Variants in ASAP1 observed in about 807,000 individuals in gnomAD.
ASAP1 encodes ArfGAP with SH3 domain, ankyrin repeat and PH domain 1.
In ASAP1, 43 loss-of-function variants were observed where a neutral mutation model predicts 145.2. That is an observed-to-expected ratio of 0.30 (90% CI 0.23 to 0.38). The LOEUF (loss-of-function observed/expected upper bound fraction) is 0.38. Ranked by LOEUF, ASAP1 falls within the 10% of genes least tolerant of loss-of-function variation. ASAP1 has a pLI of 1.00. For missense variants in ASAP1, 1,018 were observed against 1,355.3 expected, an observed-to-expected ratio of 0.75 and a Z score of 3.91; for synonymous variants, 546 against 515.5, an observed-to-expected ratio of 1.06 and a Z score of -0.80.
At chr8:130,061,188 G>T in intron 27 of ASAP1, 119 bp from the exon 28 acceptor site, 5 of 1,266,282 alleles carry the variant, frequency 3.9e-6, no homozygotes, top group Non-Finnish European at 5.2e-6. Flanking sequence ...ACTTGAAATG[G>T]ATGAACTCAG....
At chr8:130,379,603 T>G (rs76404401) in intron 2 of ASAP1, among the ~76,000 whole-genome samples, 2,627 of 152,278 alleles carry the variant, frequency 0.017, 40 homozygotes, top group East Asian at 0.053. Context: ...GTTGAACATG[T>G]AGTTCGGGTA....
chr8:130,397,842 C>T (rs1828605003), intron 2 of ASAP1, among the ~76,000 whole-genome samples: 2 of 152,256 alleles, frequency 1.3e-5, no homozygotes, highest in Admixed American at 1.3e-4. Flanking sequence ...AACCTGGTGG[C>T]TGGTAATCTG....
chr8:130,277,177 G>A (rs931276788), intron 3 of ASAP1, among the ~76,000 whole-genome samples: 4 of 152,126 alleles, frequency 2.6e-5, no homozygotes, highest in Admixed American at 2.6e-4. Flanking sequence ...CACAGGCCAC[G>A]GTAACCTGAG....
intron 25 of ASAP1, 47 bp downstream of exon 25, chr8:130,091,926 C>T (rs150059594): frequency 5.9e-5 from 87 of 1,476,302 alleles, no homozygotes; most frequent in East Asian, 3.6e-4. Flanking sequence ...GAGCCCCACA[C>T]GCTGCCTGGC....
intron 3 of ASAP1, among the ~76,000 whole-genome samples, chr8:130,310,623 A>G (rs899313622): frequency 1.3e-5 from 2 of 152,196 alleles, no homozygotes; most frequent in African/African-American, 4.8e-5. Flanking sequence ...CATATCAGCA[A>G]TCTAGTTAAA....
chr8:130,372,090 T>C (rs1827240048), intron 2 of ASAP1, among the ~76,000 whole-genome samples: 1 of 152,206 alleles, frequency 6.6e-6, no homozygotes, highest in South Asian at 2.1e-4. Context: ...TTTGTGGCAT[T>C]ATAGAATCAC....
In ASAP1 at chr8:130,085,783, C is replaced by T. The variant is rs553696073; in HGVS notation, c.2573-5812G>A. Among the ~76,000 whole-genome samples, 10 of 147,988 alleles carry T rather than the reference C, an allele frequency of 6.8e-5. No homozygotes were observed. The South Asian group carries it at 1.5e-3, about 23-fold the overall frequency. ...AAAGAGGTTCAATGAAATGCAACTT[C>T]AAAAATCATAAATTCCCTACAAAAC... is the stretch of plus-strand genomic sequence containing the variant. On this transcript the variant is annotated intron_variant, in intron 25 of 29. Transcript: ENST00000518721.
chr8:130,150,269 CAT>C (rs1388619085), intron 13 of ASAP1, among the ~76,000 whole-genome samples: 3 of 152,136 alleles, frequency 2.0e-5, no homozygotes, highest in Non-Finnish European at 4.4e-5. Flanking sequence ...CTTAAGAATG[CAT>C]ATAAACAGTT....
intron 3 of ASAP1, among the ~76,000 whole-genome samples, chr8:130,257,045 A>G (rs376302759): frequency 6.6e-6 from 1 of 151,862 alleles, no homozygotes; most frequent in East Asian, 1.9e-4. Context: ...CCTTCTTATA[A>G]CCCATAATTT....
At chr8:130,143,907 C>T (rs1247815582) in intron 13 of ASAP1, among the ~76,000 whole-genome samples, 2 of 152,216 alleles carry the variant, frequency 1.3e-5, no homozygotes, top group Non-Finnish European at 1.5e-5. Context: ...TTCCTCCCAT[C>T]ATCTTACTGA....
At chr8:130,249,792 A>G (rs1819080395) in intron 3 of ASAP1, among the ~76,000 whole-genome samples, 1 of 152,072 alleles carries the variant, frequency 6.6e-6, no homozygotes, top group East Asian at 1.9e-4. Context: ...AGGGTGTAGG[A>G]GAAGATCTAG....
chr8:130,267,241 T>C (rs2137037398), intron 3 of ASAP1, among the ~76,000 whole-genome samples: 1 of 152,226 alleles, frequency 6.6e-6, no homozygotes, highest in South Asian at 2.1e-4. Flanking sequence ...AGCCTACAGT[T>C]AACCCTAGCG....
chr8:130,188,337 A>C (rs1416771436), intron 5 of ASAP1, among the ~76,000 whole-genome samples, 154 bp from the exon 6 acceptor site: 1 of 152,238 alleles, frequency 6.6e-6, no homozygotes, highest in African/African-American at 2.4e-5. Context: ...ACACCTCTGT[A>C]GGTTAGGCGA....
intron 3 of ASAP1, among the ~76,000 whole-genome samples, chr8:130,278,995 G>C (rs1372002397): frequency 2.0e-5 from 3 of 152,196 alleles, no homozygotes; most frequent in Non-Finnish European, 4.4e-5. Context: ...CCATTTCACA[G>C]ATGAGGAAGC....
chr8:130,072,830 C>CGCGCGCGCGCGCGCGCGG (rs1448184178), intron 27 of ASAP1, among the ~76,000 whole-genome samples: 15 of 31,914 alleles, frequency 4.7e-4, no homozygotes, highest in Admixed American at 4.2e-3. Flanking sequence ...TGTGTGCGCG[C>CGCGCGCGCGCGCGCGCGG]GGGGGGGGGC....
intron 11 of ASAP1, among the ~76,000 whole-genome samples, chr8:130,161,486 G>A (rs1431171976): frequency 6.6e-6 from 1 of 152,142 alleles, no homozygotes; most frequent in African/African-American, 2.4e-5. Flanking sequence ...CAGGTATTAA[G>A]GACCCTGAGT....
chr8:130,277,666 T>C (rs983933459), intron 3 of ASAP1, among the ~76,000 whole-genome samples: 19 of 152,190 alleles, frequency 1.2e-4, no homozygotes, highest in South Asian at 2.1e-4. Context: ...AGTACAGATA[T>C]AGAAATGGCT....
At chr8:130,157,578 T>A (rs1208764144) in intron 12 of ASAP1, among the ~76,000 whole-genome samples, 2 of 152,144 alleles carry the variant, frequency 1.3e-5, no homozygotes, top group Admixed American at 6.6e-5. Flanking sequence ...ATGTCACTCT[T>A]GTGCTCAAAA....
intron 13 of ASAP1, among the ~76,000 whole-genome samples, chr8:130,150,826 G>A (rs2097644559): frequency 6.6e-6 from 1 of 152,156 alleles, no homozygotes; most frequent in African/African-American, 2.4e-5. Flanking sequence ...GTTGCAGTAA[G>A]CCGAGATCGT....
Sources: allele counts gnomAD v4.1 joint callset (sites outside exome capture counted in the v4.1 genomes callset), GRCh38; gene constraint gnomAD v4.1.1; transcripts MANE v1.5; gene names NCBI Gene and HGNC (gene_info 2026-07-23, HGNC 2026-07-21).